The following TRPM3 variants were observed in gnomAD, a reference collection of about 807,000 sequenced individuals.
TRPM3 encodes long transient receptor potential channel 3.
Under a neutral mutation model 181.2 loss-of-function variants are expected in TRPM3, and 77 were observed. That is an observed-to-expected ratio of 0.42 (90% CI 0.35 to 0.51). The LOEUF (loss-of-function observed/expected upper bound fraction) is 0.51, where lower values mean the gene tolerates loss of function less well. Ranked by LOEUF, TRPM3 falls within the 20% of genes least tolerant of loss-of-function variation. TRPM3 has a pLI of 0.01. For missense variants in TRPM3, 1,759 were observed against 2,196.7 expected (o/e 0.80, Z 3.98); for synonymous variants, 745 against 796.4 (o/e 0.94, Z 1.09).
At chr9:71,228,210 T>C (rs1034587498) in intron 1 of TRPM3, among the ~76,000 whole-genome samples, 2 of 152,162 alleles carry the variant, frequency 1.3e-5, no homozygotes, top group African/African-American at 4.8e-5. Context: ...ATGCATTATA[T>C]CAACAGAAAG....
At chr9:70,870,125 T>A (rs562278757) in intron 1 of TRPM3, among the ~76,000 whole-genome samples, 2 of 152,102 alleles carry the variant, frequency 1.3e-5, no homozygotes, top group African/African-American at 4.8e-5. Context: ...TTGGTTTTCA[T>A]TTTTCCGTAA....
At chr9:70,829,402 G>A (rs1307975311) in intron 5 of TRPM3, among the ~76,000 whole-genome samples, 1 of 152,040 alleles carries the variant, frequency 6.6e-6, no homozygotes, top group Non-Finnish European at 1.5e-5. Context: ...TGAATGAATA[G>A]GCAAACTTGA....
intron 1 of TRPM3, among the ~76,000 whole-genome samples, chr9:71,077,715 C>T (rs1299286193): frequency 6.6e-6 from 1 of 151,782 alleles, no homozygotes. Flanking sequence ...CGGTAGAGAC[C>T]GTGAAGACAG....
At chr9:70,668,692 A>G (rs1451404030) in intron 9 of TRPM3, among the ~76,000 whole-genome samples, 1 of 150,946 alleles carries the variant, frequency 6.6e-6, no homozygotes, top group Non-Finnish European at 1.5e-5. Context: ...AAAAAAAAAA[A>G]AAAAAGAAAC....
chr9:71,223,456 T>G (rs1043537283), intron 1 of TRPM3, among the ~76,000 whole-genome samples: 1 of 152,214 alleles, frequency 6.6e-6, no homozygotes, highest in African/African-American at 2.4e-5. Flanking sequence ...GTGTTGGCTT[T>G]AGGTGTGACC....
chr9:71,184,128 C>T (rs1218035171), intron 1 of TRPM3, among the ~76,000 whole-genome samples: 4 of 152,006 alleles, frequency 2.6e-5, no homozygotes, highest in South Asian at 2.1e-4. Flanking sequence ...GGGTGCTCTT[C>T]GAGATGTTAC....
At chr9:70,956,299 T>G (rs2097070705) in intron 1 of TRPM3, among the ~76,000 whole-genome samples, 1 of 94,000 alleles carries the variant, frequency 1.1e-5, no homozygotes, top group African/African-American at 3.8e-5. Context: ...AATACACCTT[T>G]TTTTTTTTTT....
chr9:70,838,962 C>T (rs2094480460), intron 5 of TRPM3, among the ~76,000 whole-genome samples: 1 of 152,080 alleles, frequency 6.6e-6, no homozygotes, highest in African/African-American at 2.4e-5. Context: ...TAGAGAAAGG[C>T]CTGTTTCCAT....
chr9:70,888,254 T>C (rs551910006), intron 1 of TRPM3, among the ~76,000 whole-genome samples: 1 of 152,166 alleles, frequency 6.6e-6, no homozygotes, highest in African/African-American at 2.4e-5. Flanking sequence ...ACCCAGCACA[T>C]AGTAGGTACC....
At chr9:70,777,617 C>A (rs1983942) in intron 7 of TRPM3, among the ~76,000 whole-genome samples, 2 of 151,852 alleles carry the variant, frequency 1.3e-5, no homozygotes, top group East Asian at 1.9e-4. Context: ...GTGGTATTTT[C>A]TCCATGACAC....
intron 1 of TRPM3, among the ~76,000 whole-genome samples, chr9:71,015,153 T>C (rs1372830537): frequency 2.0e-5 from 3 of 152,160 alleles, no homozygotes; most frequent in Non-Finnish European, 4.4e-5. Context: ...GAACCATAGA[T>C]GGGCTACTGT....
chr9:71,236,547 C>T (rs1040737802), intron 1 of TRPM3, among the ~76,000 whole-genome samples: 1 of 152,116 alleles, frequency 6.6e-6, no homozygotes, highest in African/African-American at 2.4e-5. Flanking sequence ...TGCATACCTC[C>T]TCAGCTGCTG....
intron 1 of TRPM3, among the ~76,000 whole-genome samples, chr9:71,383,194 A>G (rs1312841687): frequency 2.0e-5 from 3 of 152,268 alleles, no homozygotes; most frequent in Non-Finnish European, 2.9e-5. Context: ...ATACATACAC[A>G]TATATGCATA....
At chr9:71,247,157 C>A (rs974708665) in intron 1 of TRPM3, among the ~76,000 whole-genome samples, 2 of 152,048 alleles carry the variant, frequency 1.3e-5, no homozygotes, top group Non-Finnish European at 2.9e-5. Flanking sequence ...GCCACCTGAC[C>A]AGCCTGACCA....
At chr9:70,815,356 T>A (rs1821438323) in intron 6 of TRPM3, among the ~76,000 whole-genome samples, 2 of 152,286 alleles carry the variant, frequency 1.3e-5, no homozygotes, top group African/African-American at 4.8e-5. Context: ...GGTAAATATA[T>A]GTAAAATGAA....
chr9:71,142,806 G>A (rs1482845249), intron 1 of TRPM3, among the ~76,000 whole-genome samples: 1 of 126,424 alleles, frequency 7.9e-6, no homozygotes, highest in Non-Finnish European at 1.7e-5. Flanking sequence ...ATAGTACACA[G>A]TATTCAAAGA....
intron 1 of TRPM3, among the ~76,000 whole-genome samples, chr9:71,298,447 G>A (rs1331897272): frequency 1.3e-5 from 2 of 151,412 alleles, no homozygotes; most frequent in Non-Finnish European, 2.9e-5. Flanking sequence ...ATGGCACAAG[G>A]AAGGACATTC....
intron 25 of TRPM3, among the ~76,000 whole-genome samples, chr9:70,544,133 G>C (rs1748775274): frequency 6.6e-6 from 1 of 152,038 alleles, no homozygotes; most frequent in Non-Finnish European, 1.5e-5. Context: ...AGAAAATGTA[G>C]GTAACCCTTA....
At chr9:71,103,432 C>T (rs1712727434) in intron 1 of TRPM3, among the ~76,000 whole-genome samples, 1 of 152,056 alleles carries the variant, frequency 6.6e-6, no homozygotes, top group African/African-American at 2.4e-5. Context: ...AAAACTCTAC[C>T]AAGTAAGGTC....
Sources: gnomAD v4.1 joint callset for allele counts (sites outside exome capture counted in the v4.1 genomes callset) on GRCh38, gnomAD v4.1.1 for gene constraint, MANE v1.5 for transcripts, NCBI Gene and HGNC (gene_info 2026-07-23, HGNC 2026-07-21) for gene names.